The following BCLAF3 variants were observed in gnomAD, a reference collection of about 807,000 sequenced individuals.
BCLAF3 encodes the protein BCLAF1 and THRAP3 family member 3.
BCLAF3 carries 24 observed loss-of-function variants against 51.2 expected under a neutral mutation model. The observed-to-expected ratio is 0.47, with a 90% CI of 0.34 to 0.66. BCLAF3 has a LOEUF of 0.66. Ranked by LOEUF, BCLAF3 falls within the 30% of genes least tolerant of loss-of-function variation. The pLI is 0.01. For missense variants in BCLAF3, 465 were observed against 525.1 expected, an observed-to-expected ratio of 0.89 and a Z score of 1.12; for synonymous variants, 152 against 176.6, an observed-to-expected ratio of 0.86 and a Z score of 1.10.
intron 4 of BCLAF3, among the ~76,000 whole-genome samples, chrX:19,963,039 C>T (rs766353878): frequency 1.8e-5 from 2 of 108,359 alleles, no homozygotes; most frequent in African/African-American, 3.4e-5. Flanking sequence ...GAGCCATAAT[C>T]GCGCCACTGC....
chrX:19,976,378 A>G (rs1278658085), intron 1 of BCLAF3, among the ~76,000 whole-genome samples: 1 of 112,006 alleles, frequency 8.9e-6, no homozygotes, highest in Non-Finnish European at 1.9e-5. Flanking sequence ...TGTTGACAAG[A>G]GAGTGGGAAA....
intron 11 of BCLAF3, among the ~76,000 whole-genome samples, chrX:19,919,856 C>CA (rs763184612): frequency 0.24 from 7,556 of 31,760 alleles, 671 homozygotes; most frequent in Non-Finnish European, 0.27. Context: ...GACTTCGTCT[C>CA]AAAAAAAAAA....
In BCLAF3 at chrX:19,966,220, C is replaced by T. The variant is rs372588501; in HGVS notation, c.471G>A (p.Arg157=). ...CAAATCTAAAAGAATCTGCTATTGA[C>T]CTCTGAGGTGGTTTCCCTCCTTTTC... ...GSGKGGKPPQ[R]SIADSFRFEG... The change falls in exon 3 of 12, where the codon AGG becomes AGA. Residue 157 remains arginine, a synonymous_variant. Transcript: ENST00000379682. 22 of 1,211,503 alleles carry T rather than the reference C, an allele frequency of 1.8e-5. No individual in the cohort carries two copies. Among genetic ancestry groups the T allele is most frequent in the Non-Finnish European group, 2.5e-5 (22 of 895,490 alleles).
chrX:19,946,823 T>C (rs1452147028), intron 8 of BCLAF3, among the ~76,000 whole-genome samples: 2 of 111,791 alleles, frequency 1.8e-5, no homozygotes, highest in East Asian at 5.6e-4. Context: ...GATAACCCTA[T>C]GGCTAACACC....
At chrX:19,985,148 C>T (rs1156764053) in intron 1 of BCLAF3, 1 of 112,036 alleles carries the variant, frequency 8.9e-6, no homozygotes, top group Non-Finnish European at 1.9e-5. Context: ...TACCACTGCA[C>T]TCGAACCAGC....
chrX:19,974,438 G>T (rs1235968527), intron 1 of BCLAF3, among the ~76,000 whole-genome samples: 1 of 112,022 alleles, frequency 8.9e-6, no homozygotes, highest in African/African-American at 3.2e-5. Context: ...GGATGCTGCT[G>T]GTCCAGGGGC....
At chrX:19,964,542 G>C (rs2071978446) in intron 4 of BCLAF3, among the ~76,000 whole-genome samples, 1 of 110,223 alleles carries the variant, frequency 9.1e-6, no homozygotes, top group Non-Finnish European at 1.9e-5. Flanking sequence ...AAGGGAACAC[G>C]TGGATTTGAG....
At chrX:19,988,010 G>A (rs1305096333) in intron 1 of BCLAF3, among the ~76,000 whole-genome samples, 2 of 112,055 alleles carry the variant, frequency 1.8e-5, no homozygotes, top group South Asian at 7.4e-4. Context: ...GAGGCTGCCC[G>A]GTCACTTGCT....
chrX:19,915,899 G>A lies in BCLAF3; in HGVS notation c.*1406C>T, dbSNP rs1159670279. ...TTACCATAAGTGGAATGCTAAATAT[G>A]TTTGGAAAACCTGACCTATAGAGAT... On this transcript the variant is annotated 3_prime_UTR_variant, in exon 12 of 12. Transcript: ENST00000379682. 8.9e-6 allele frequency: 1 copy of A among 111,780 alleles called. No individual in the cohort carries two copies. Among genetic ancestry groups the A allele is most frequent in the Admixed American group, 9.6e-5 (1 of 10,453 alleles). 9.2% of individuals were successfully genotyped at this position (111,780 alleles called of 1,213,427 possible).
In BCLAF3 at chrX:19,955,379, A is replaced by T. The variant is rs754962752; in HGVS notation, c.1450+12T>A. ...TTGTGTTATCCCTAACGTATGTGCA[A>T]AATATACCAACCTTTAACTTGATGG... is the stretch of plus-strand genomic sequence containing the variant. On this transcript the variant is annotated intron_variant, in intron 5 of 11. Coordinates refer to ENST00000379682, the MANE Select transcript of BCLAF3 (RefSeq NM_001367774.2). The T allele has an allele frequency of 3.4e-6, 4 of 1,178,332 alleles. No homozygotes were observed. Among genetic ancestry groups the T allele is most frequent in the Non-Finnish European group, 4.5e-6 (4 of 880,410 alleles).
chrX:19,978,943 A>G (rs779750105), intron 1 of BCLAF3, among the ~76,000 whole-genome samples: 27 of 110,336 alleles, frequency 2.4e-4, no homozygotes, highest in Admixed American at 1.5e-3. Context: ...GATGCAACAA[A>G]CCTTATTGTT....
chrX:19,989,015 C>T (rs2072878518), intron 1 of BCLAF3, among the ~76,000 whole-genome samples: 1 of 111,017 alleles, frequency 9.0e-6, no homozygotes, highest in Non-Finnish European at 1.9e-5. Flanking sequence ...CAAAAGTATT[C>T]CTATAGAAAT....
chrX:19,953,281 T>C (rs983115812), intron 6 of BCLAF3, among the ~76,000 whole-genome samples: 15 of 111,276 alleles, frequency 1.3e-4, no homozygotes, highest in Non-Finnish European at 1.9e-4. Flanking sequence ...GTCTGTGTAA[T>C]CTCAAACTTT....
In BCLAF3 at chrX:19,916,159, C is replaced by G. The variant is rs1340219551; in HGVS notation, c.*1146G>C. ...AAGCTCTGTCTTTGTAAGCACAGAACAGTGCTTTAAACACTGTTTAAACAG... is the reference window on the plus strand; with the variant it reads ...AAGCTCTGTCTTTGTAAGCACAGAAGAGTGCTTTAAACACTGTTTAAACAG... On this transcript the variant is annotated 3_prime_UTR_variant, in exon 12 of 12. Transcript: ENST00000379682. The G allele has an allele frequency of 8.9e-6, 1 of 112,626 alleles. No homozygotes were observed. The highest frequency in any genetic ancestry group is 1.9e-5 in the Non-Finnish European group (1 of 53,233). 9.3% of individuals were successfully genotyped at this position (112,626 alleles called of 1,213,427 possible).
chrX:19,916,276 CATTTT>C lies in BCLAF3; in HGVS notation c.*1024_*1028del, dbSNP rs1247744827. Reference sequence around the variant, plus strand: ...CTTATTTAAGCAGAAAGAGCAACAACATTTTATTTTATTACAAATAAACATTTCAC... The same window carrying C: ...CTTATTTAAGCAGAAAGAGCAACAACATTTTATTACAAATAAACATTTCAC... On this transcript the variant is annotated 3_prime_UTR_variant, in exon 12 of 12. Coordinates refer to ENST00000379682, the MANE Select transcript of BCLAF3 (RefSeq NM_001367774.2). 1.8e-5 allele frequency: 2 copies of C among 112,534 alleles called. No homozygotes were observed. Among genetic ancestry groups the C allele is most frequent in the Admixed American group, 9.5e-5 (1 of 10,535 alleles). 9.3% of individuals were successfully genotyped at this position (112,534 alleles called of 1,213,427 possible).
At chrX:19,920,985 A>G (rs1183429084) in intron 11 of BCLAF3, among the ~76,000 whole-genome samples, 1 of 111,750 alleles carries the variant, frequency 8.9e-6, no homozygotes, top group Non-Finnish European at 1.9e-5. Context: ...GTAGGGTTTA[A>G]TAAGAAAAGA....
At chrX:19,933,988 C>G (rs1279402782) in intron 10 of BCLAF3, among the ~76,000 whole-genome samples, 1 of 110,893 alleles carries the variant, frequency 9.0e-6, no homozygotes, top group East Asian at 2.8e-4. Flanking sequence ...GTTGCCCAGG[C>G]TCTTCTCGAA....
intron 1 of BCLAF3, among the ~76,000 whole-genome samples, chrX:19,978,458 T>C (rs1011360590): frequency 2.7e-5 from 3 of 111,905 alleles, no homozygotes; most frequent in South Asian, 3.7e-4. Flanking sequence ...CCAAGAGAGC[T>C]AGAAGAGGAA....
At position 19,948,490 on chromosome X, in the gene BCLAF3, T is replaced by C. The variant is rs182930567; in HGVS notation, c.1745+2263A>G. Among the ~76,000 whole-genome samples the C allele has an allele frequency of 2.0e-3, 227 of 110,861 alleles. 1 individual carries two copies. Among genetic ancestry groups the C allele is most frequent in the African/African-American group, 7.2e-3 (221 of 30,525 alleles). On this transcript the variant is annotated intron_variant, in intron 8 of 11. Coordinates refer to ENST00000379682, the MANE Select transcript of BCLAF3 (RefSeq NM_001367774.2). Reference sequence around the variant, plus strand: ...GAATTTATATGAAATGTCAGGCCAGTTGTGGTGGCTCATGCCTGTACTCCC... The same window carrying C: ...GAATTTATATGAAATGTCAGGCCAGCTGTGGTGGCTCATGCCTGTACTCCC...
Sources: allele counts gnomAD v4.1 joint callset (sites outside exome capture counted in the v4.1 genomes callset), GRCh38; gene constraint gnomAD v4.1.1; transcripts MANE v1.5; gene names NCBI Gene and HGNC (gene_info 2026-07-23, HGNC 2026-07-21).